The following BICC1 variants were observed in gnomAD, a reference collection of about 807,000 sequenced individuals.
BICC1 encodes the protein protein bicaudal C homolog 1.
A neutral mutation model predicts 111.0 loss-of-function variants in BICC1; 43 were observed. The ratio of observed to expected loss-of-function variants is 0.39; its 90% confidence interval spans 0.30 to 0.50. The LOEUF (loss-of-function observed/expected upper bound fraction) is 0.50, where lower values mean the gene tolerates loss of function less well. BICC1 is among the 20% of genes least tolerant of loss of function. The probability of loss-of-function intolerance (pLI) is 0.88; values close to 1 mark genes in which losing one functional copy is unlikely to be tolerated. For missense variants in BICC1, 1,091 were observed against 1,203.2 expected, an observed-to-expected ratio of 0.91 and a Z score of 1.38; for synonymous variants, 467 against 434.4, an observed-to-expected ratio of 1.07 and a Z score of -0.93.
chr10:58,816,248 G>C (rs1227059779), intron 18 of BICC1, among the ~76,000 whole-genome samples: 6 of 152,130 alleles, frequency 3.9e-5, no homozygotes, highest in African/African-American at 1.4e-4. Context: ...TTGTGGCTTT[G>C]TGTCACCTTT....
intron 2 of BICC1, among the ~76,000 whole-genome samples, chr10:58,681,577 T>A (rs2132363060): frequency 6.6e-6 from 1 of 152,324 alleles, no homozygotes; most frequent in African/African-American, 2.4e-5. Flanking sequence ...GTTCAGCCAT[T>A]GTGGAAGACA....
chr10:58,552,473 C>CTA (rs1191629131), intron 1 of BICC1, among the ~76,000 whole-genome samples: 2 of 152,012 alleles, frequency 1.3e-5, no homozygotes, highest in East Asian at 3.9e-4. Flanking sequence ...GTAGCTGGGA[C>CTA]TACAGGTGCC....
intron 3 of BICC1, among the ~76,000 whole-genome samples, chr10:58,760,453 A>G (rs757747942): frequency 2.0e-5 from 3 of 152,154 alleles, no homozygotes; most frequent in Non-Finnish European, 2.9e-5. Context: ...ACCATAGAGT[A>G]GGTTTTCTGA....
intron 3 of BICC1, among the ~76,000 whole-genome samples, chr10:58,741,900 A>G (rs1841679835): frequency 6.6e-6 from 1 of 152,304 alleles, no homozygotes; most frequent in Admixed American, 6.5e-5. Context: ...TGAATACCGA[A>G]GCAGTTTTGG....
intron 1 of BICC1, among the ~76,000 whole-genome samples, chr10:58,541,477 C>T (rs1365572018): frequency 6.6e-6 from 1 of 152,040 alleles, no homozygotes; most frequent in Non-Finnish European, 1.5e-5. Context: ...GAATAAAATA[C>T]TTAGGAATAA....
At chr10:58,590,086 A>G (rs1844561672) in intron 1 of BICC1, among the ~76,000 whole-genome samples, 2 of 152,206 alleles carry the variant, frequency 1.3e-5, no homozygotes, top group South Asian at 4.1e-4. Context: ...CAGTGGGGTT[A>G]TGAATGGTAT....
At chr10:58,516,495 G>GTT (rs11376072) in intron 1 of BICC1, among the ~76,000 whole-genome samples, 1 of 151,680 alleles carries the variant, frequency 6.6e-6, no homozygotes, top group Non-Finnish European at 1.5e-5. Context: ...TTTTTTCATG[G>GTT]TTTTTTACTG....
At chr10:58,604,533 C>T (rs922397009) in intron 1 of BICC1, among the ~76,000 whole-genome samples, 7 of 151,880 alleles carry the variant, frequency 4.6e-5, no homozygotes, top group Admixed American at 6.6e-5. Context: ...TGGTGGCGGG[C>T]GCCTGTAGTC....
intron 1 of BICC1, among the ~76,000 whole-genome samples, chr10:58,585,715 A>C (rs1052312881): frequency 1.2e-4 from 19 of 152,182 alleles, no homozygotes; most frequent in African/African-American, 4.1e-4. Context: ...GAGTAATCAG[A>C]AAATGGATTA....
intron 2 of BICC1, among the ~76,000 whole-genome samples, chr10:58,653,130 A>G (rs1390750238): frequency 2.0e-5 from 3 of 152,162 alleles, no homozygotes; most frequent in Non-Finnish European, 4.4e-5. Flanking sequence ...TTAAAAGTTA[A>G]GTTACTCTAA....
Position 58,602,317 on chromosome 10 carries a change from T to C in BICC1, c.191-18538T>C, listed in dbSNP as rs150772908. ...TTAGAGTATGACCAATGTGTTTGCA[T>C]CATAAATGTACGCACATATTTTTTG... On this transcript the variant is annotated intron_variant, in intron 1 of 20. Coordinates refer to ENST00000373886, the MANE Select transcript of BICC1 (RefSeq NM_001080512.3). 7.9e-5 allele frequency among the ~76,000 whole-genome samples: 12 copies of C among 152,306 alleles called. No individual in the cohort carries two copies. In the East Asian group the frequency reaches 2.3e-3, roughly 29 times the overall value.
intron 1 of BICC1, among the ~76,000 whole-genome samples, chr10:58,573,890 T>G (rs1384948405): frequency 6.6e-6 from 1 of 152,140 alleles, no homozygotes; most frequent in Non-Finnish European, 1.5e-5. Flanking sequence ...AGACCCTGTT[T>G]AGTTAAAGGC....
At chr10:58,654,027 C>T (rs1258145303) in intron 2 of BICC1, among the ~76,000 whole-genome samples, 1 of 150,426 alleles carries the variant, frequency 6.6e-6, no homozygotes, top group Non-Finnish European at 1.5e-5. Context: ...TTTTTTATGG[C>T]TGCATAGTAT....
intron 3 of BICC1, among the ~76,000 whole-genome samples, chr10:58,741,883 GGA>G (rs1841678938): frequency 6.6e-6 from 1 of 152,140 alleles, no homozygotes; most frequent in South Asian, 2.1e-4. Context: ...ACCAGCAATA[GGA>G]AACTTGAATA....
intron 17 of BICC1, 101 bp downstream of exon 17, chr10:58,807,259 G>A (rs1275881657): frequency 3.7e-6 from 4 of 1,094,746 alleles, no homozygotes; most frequent in African/African-American, 1.6e-5. Context: ...AAGGGAAAAT[G>A]ATTAGTGGTG....
chr10:58,824,168 C>G (rs1844329680), intron 20 of BICC1: 1 of 875,790 alleles, frequency 1.1e-6, no homozygotes, highest in Admixed American at 6.2e-5. Context: ...CAGTGGGTCA[C>G]TGAAGGCCAG....
chr10:58,701,976 C>T, intron 2 of BICC1, 98 bp from the exon 3 acceptor site: 1 of 829,716 alleles, frequency 1.2e-6, no homozygotes, highest in Non-Finnish European at 1.9e-6. Flanking sequence ...TGAACATGAA[C>T]TTAGGAACTT....
At chr10:58,628,024 A>G (rs143063139) in intron 2 of BICC1, among the ~76,000 whole-genome samples, 28 of 152,238 alleles carry the variant, frequency 1.8e-4, no homozygotes, top group African/African-American at 4.8e-4. Context: ...GACAAAAGGC[A>G]TATAAATAGC....
chr10:58,514,482 CT>C (rs1023670009), intron 1 of BICC1, among the ~76,000 whole-genome samples: 1 of 152,108 alleles, frequency 6.6e-6, no homozygotes, highest in African/African-American at 2.4e-5. Flanking sequence ...AATGCAGTGG[CT>C]TTTTAGAACA....
Sources: gnomAD v4.1 joint callset for allele counts (sites outside exome capture counted in the v4.1 genomes callset) on GRCh38, gnomAD v4.1.1 for gene constraint, MANE v1.5 for transcripts, NCBI Gene and HGNC (gene_info 2026-07-23, HGNC 2026-07-21) for gene names.